Variants in LRGUK observed in about 807,000 individuals in gnomAD.
LRGUK encodes leucine-rich repeat and guanylate kinase domain-containing protein.
A neutral mutation model predicts 76.0 loss-of-function variants in LRGUK; 65 were observed. That is an observed-to-expected ratio of 0.85 (90% CI 0.70 to 1.05). The LOEUF is 1.05. Among genes scored for constraint, LRGUK ranks in the 50% least tolerant of loss-of-function variants. LRGUK has a pLI of 0.00. For synonymous variants in LRGUK, 268 were observed against 265.6 expected, an observed-to-expected ratio of 1.01 and a Z score of -0.09; for missense variants, 758 against 732.8, an observed-to-expected ratio of 1.03 and a Z score of -0.40.
chr7:134,200,013 T>TATATATAC (rs1800695849), intron 14 of LRGUK, among the ~76,000 whole-genome samples: 1 of 132,436 alleles, frequency 7.6e-6, no homozygotes, highest in Non-Finnish European at 1.6e-5. Context: ...TATATATATA[T>TATATATAC]ATATATATAT....
chr7:134,148,296 C>A, exon 5 of LRGUK: 1 of 1,595,492 alleles, frequency 6.3e-7, no homozygotes, highest in Non-Finnish European at 8.5e-7. Flanking sequence ...GCGTATCATG[C>A]TCTCACTAAA....
intron 1 of LRGUK, among the ~76,000 whole-genome samples, chr7:134,128,442 T>C (rs1250666856): frequency 1.3e-5 from 2 of 152,260 alleles, no homozygotes. Context: ...CCTTTCTTAG[T>C]CCATTGTTGT....
intron 7 of LRGUK, among the ~76,000 whole-genome samples, chr7:134,172,876 G>T (rs1799315340): frequency 6.6e-6 from 1 of 151,922 alleles, no homozygotes. Context: ...AGCTACTCGG[G>T]GGTCGGGGGC....
At chr7:134,152,516 G>A (rs1798264674) in intron 5 of LRGUK, among the ~76,000 whole-genome samples, 1 of 152,012 alleles carries the variant, frequency 6.6e-6, no homozygotes, top group Non-Finnish European at 1.5e-5. Flanking sequence ...TCCAAGAAAT[G>A]CAACTTAAGA....
chr7:134,153,377 A>AAAT (rs1384389566), intron 5 of LRGUK, among the ~76,000 whole-genome samples: 1 of 152,178 alleles, frequency 6.6e-6, no homozygotes, highest in African/African-American at 2.4e-5. Flanking sequence ...TAATTATCCT[A>AAAT]AATTGCAATA....
intron 1 of LRGUK, among the ~76,000 whole-genome samples, chr7:134,129,324 CCCTCCCTCCCTT>C (rs1797182477): frequency 9.1e-6 from 1 of 110,340 alleles, no homozygotes; most frequent in Non-Finnish European, 1.9e-5. Context: ...TTTCTTTCTT[CCCTCCCTCCCTT>C]CCTCCCTCCC....
intron 18 of LRGUK, among the ~76,000 whole-genome samples, chr7:134,249,803 A>G (rs1466496188): frequency 1.3e-4 from 20 of 152,188 alleles, no homozygotes; most frequent in Admixed American, 1.1e-3. Context: ...ATTCTACTAC[A>G]TTTTGTTTCT....
intron 15 of LRGUK, among the ~76,000 whole-genome samples, chr7:134,220,567 G>C (rs1195280827): frequency 2.0e-5 from 3 of 151,366 alleles, no homozygotes; most frequent in African/African-American, 7.3e-5. Flanking sequence ...AAACAGTCCA[G>C]GTCTTCTTCT....
chr7:134,145,289 C>T (rs1190551276), intron 4 of LRGUK, among the ~76,000 whole-genome samples: 2 of 151,866 alleles, frequency 1.3e-5, no homozygotes, highest in East Asian at 3.9e-4. Context: ...TGCTTGTTGC[C>T]CAGGCTGGAG....
At chr7:134,210,144 C>T in exon 16 of LRGUK, 1 of 399,254 alleles carries the variant, frequency 2.5e-6, no homozygotes, top group Non-Finnish European at 4.4e-6. Context: ...GAAGAGGCAC[C>T]ACCTGGGAAC....
At chr7:134,198,133 G>A (rs766366324) in intron 13 of LRGUK, among the ~76,000 whole-genome samples, 4 of 152,064 alleles carry the variant, frequency 2.6e-5, no homozygotes, top group South Asian at 2.1e-4. Context: ...CTTTCCTGAC[G>A]TAGAATATTT....
intron 18 of LRGUK, among the ~76,000 whole-genome samples, chr7:134,255,222 AACAC>A (rs66632170): frequency 0.13 from 18,877 of 142,848 alleles, 1,175 homozygotes; most frequent in Non-Finnish European, 0.14. Flanking sequence ...ATGTTATCTC[AACAC>A]ACACACACAC....
chr7:134,189,422 CTATAT>C (rs1221579235), intron 11 of LRGUK, among the ~76,000 whole-genome samples: 3 of 152,026 alleles, frequency 2.0e-5, no homozygotes, highest in Non-Finnish European at 4.4e-5. Flanking sequence ...GTGAACATTT[CTATAT>C]GTGAAAATTG....
chr7:134,136,825 T>C (rs1797559539), intron 1 of LRGUK, among the ~76,000 whole-genome samples, 198 bp from the exon 2 acceptor site: 1 of 152,198 alleles, frequency 6.6e-6, no homozygotes, highest in Non-Finnish European at 1.5e-5. Flanking sequence ...AATGAAAACA[T>C]TGATTTGGCA....
intron 16 of LRGUK, among the ~76,000 whole-genome samples, chr7:134,247,163 G>T (rs544387032): frequency 3.3e-5 from 5 of 152,210 alleles, no homozygotes; most frequent in African/African-American, 1.2e-4. Flanking sequence ...AATTTTGGTG[G>T]CTGTGTTAAT....
the LRGUK span, among the ~76,000 whole-genome samples, chr7:134,271,047 A>C: frequency 2.6e-5 from 4 of 152,104 alleles, no homozygotes; most frequent in East Asian, 7.7e-4. Flanking sequence ...TTTAGTTTGA[A>C]TTTCTCCAAT....
rs1486386639 is a variant in LRGUK at position 134,229,597 on chromosome 7, T to C, written c.1983+7679T>C. Among the ~76,000 whole-genome samples the C allele has an allele frequency of 2.0e-5, 3 of 152,194 alleles. No individual in the cohort carries two copies. The East Asian group carries it at 5.8e-4, about 29-fold the overall frequency. ...TTCCATATTATACAAATGTCTGTTT[T>C]CTTCAAATAGGTCTATACGCTCAAA... is the stretch of plus-strand genomic sequence containing the variant. On this transcript the variant is annotated intron_variant, in intron 16 of 19. Coordinates refer to the LRGUK transcript ENST00000285928.
intron 19 of LRGUK, among the ~76,000 whole-genome samples, chr7:134,259,897 A>G (rs747152281): frequency 1.3e-5 from 2 of 152,156 alleles, no homozygotes; most frequent in African/African-American, 4.8e-5. Flanking sequence ...CTCATAGGAC[A>G]GTGTTCATGG....
chr7:134,197,351 C>A (rs993094024), intron 13 of LRGUK, among the ~76,000 whole-genome samples: 2 of 152,126 alleles, frequency 1.3e-5, no homozygotes, highest in African/African-American at 4.8e-5. Context: ...GGGGGCAAGA[C>A]ACATGAAACA....
Sources: allele counts gnomAD v4.1 joint callset (sites outside exome capture counted in the v4.1 genomes callset), GRCh38; gene constraint gnomAD v4.1.1; transcripts MANE v1.5; gene names NCBI Gene and HGNC (gene_info 2026-07-23, HGNC 2026-07-21).